The following PIK3CB variants were observed in gnomAD, a reference collection of about 807,000 sequenced individuals.
The protein encoded by PIK3CB is phosphatidylinositol 4,5-bisphosphate 3-kinase catalytic subunit beta isoform.
PIK3CB carries 39 observed loss-of-function variants against 136.8 expected under a neutral mutation model. The ratio of observed to expected loss-of-function variants is 0.29; its 90% CI spans 0.22 to 0.37. PIK3CB has a LOEUF of 0.37. Among genes scored for constraint, PIK3CB ranks in the 10% least tolerant of loss-of-function variants. PIK3CB has a pLI of 1.00. For synonymous variants in PIK3CB, 428 were observed against 436.6 expected, an observed-to-expected ratio of 0.98 and a Z score of 0.25; for missense variants, 868 against 1,275.4, an observed-to-expected ratio of 0.68 and a Z score of 4.87.
At position 138,755,807 on chromosome 3, in the gene PIK3CB, C is replaced by T; in HGVS notation, c.344G>A (p.Ser115Asn). 2.5e-6 allele frequency: 4 copies of T among 1,613,050 alleles called. No homozygotes were observed. The highest frequency in any genetic ancestry group is 3.4e-6 in the Non-Finnish European group (4 of 1,179,274). Residue 115 changes from serine to asparagine, a missense_variant, in exon 4 of 24, where the codon AGT (serine) becomes AAT (asparagine). By Grantham distance (46) the Ser-to-Asn change is conservative (BLOSUM62 1). Transcript: ENST00000674063. ...GTCTAATTTTTCCCCTGGGTCACAA[C>T]TTCTTGTCACTAATTTGAGAACTGG... ...FLPVLKLVTR[S>N]CDPGEKLDSK...
intron 14 of PIK3CB, among the ~76,000 whole-genome samples, chr3:138,691,525 C>A (rs999702883): frequency 8.5e-5 from 13 of 152,168 alleles, no homozygotes; most frequent in Non-Finnish European, 1.5e-4. Context: ...AGTCTCATGA[C>A]AGTGAGTGAG....
At chr3:138,691,597 C>T (rs2044009315) in intron 14 of PIK3CB, among the ~76,000 whole-genome samples, 1 of 152,148 alleles carries the variant, frequency 6.6e-6, no homozygotes, top group South Asian at 2.1e-4. Context: ...CTTTTCCTGC[C>T]ACCTTGTGAA....
At chr3:138,800,751 A>C (rs867392053) in intron 1 of PIK3CB, among the ~76,000 whole-genome samples, 41 of 151,988 alleles carry the variant, frequency 2.7e-4, no homozygotes, top group Middle Eastern at 3.2e-3. Context: ...CAGTCTCCTG[A>C]GTACCTGGGA....
intron 2 of PIK3CB, among the ~76,000 whole-genome samples, chr3:138,784,637 G>C (rs1033895756): frequency 2.6e-5 from 4 of 152,186 alleles, no homozygotes; most frequent in Non-Finnish European, 5.9e-5. Context: ...CGCCCTGTTG[G>C]CTGGGCTGGT....
rs989209312 is a variant in PIK3CB, at chr3:138,801,303, A to G, written c.-121-4736T>C. Among the ~76,000 whole-genome samples, 40 of 152,298 alleles carry G rather than the reference A, an allele frequency of 2.6e-4. 1 individual carries two copies. The highest frequency in any genetic ancestry group is 2.5e-3 in the Admixed American group (38 of 15,278). ...AGTTGTACCATAGCAATTTGTATCA[A>G]ATATCAGAGCCTCCCCATTTTATGT... On this transcript the variant is annotated intron_variant, in intron 1 of 23. Transcript: ENST00000674063.
chr3:138,709,203 C>G (rs1358385061), intron 10 of PIK3CB, among the ~76,000 whole-genome samples: 2 of 151,954 alleles, frequency 1.3e-5, no homozygotes, highest in Non-Finnish European at 2.9e-5. Flanking sequence ...ATAAACCCAC[C>G]TCTAAGGAAT....
intron 4 of PIK3CB, among the ~76,000 whole-genome samples, chr3:138,744,494 A>C (rs960866782): frequency 7.1e-6 from 1 of 141,476 alleles, no homozygotes; most frequent in Non-Finnish European, 1.5e-5. Context: ...GGAGGGGGAG[A>C]GGTTAGTCTT....
intron 2 of PIK3CB, among the ~76,000 whole-genome samples, chr3:138,789,718 G>A (rs1007019805): frequency 1.2e-4 from 18 of 149,692 alleles, no homozygotes; most frequent in Non-Finnish European, 1.6e-4. Flanking sequence ...TTTTGGAGAC[G>A]GAGTCTCTCT....
Position 138,755,858 on chromosome 3 carries a change from C to T in PIK3CB, c.293G>A (p.Arg98Lys). Reference sequence around the variant, plus strand: ...AAGAAAAGGTCTGACATCACAGAGTCTTCGTGTTTCATCTTCAAGCTCCTC... The same window carrying T: ...AAGAAAAGGTCTGACATCACAGAGTTTTCGTGTTTCATCTTCAAGCTCCTC... ...VYEELEDETR[R>K]LCDVRPFLPV... is the part of the protein sequence containing the mutation. The change falls in exon 4 of 24, where the codon AGA (arginine) becomes AAA (lysine). Residue 98 changes from arginine to lysine, a missense_variant. Coordinates refer to ENST00000674063, the MANE Select transcript of PIK3CB (RefSeq NM_006219.3). 1 of 1,612,552 alleles carries T rather than the reference C, an allele frequency of 6.2e-7. No individual in the cohort carries two copies. Among genetic ancestry groups the T allele is most frequent in the Middle Eastern group, 1.7e-4 (1 of 6,054 alleles).
At chr3:138,707,111 ATCAT>A (rs2044394808) in intron 11 of PIK3CB, 44 bp downstream of exon 11, 2 of 1,105,724 alleles carry the variant, frequency 1.8e-6, no homozygotes, top group South Asian at 1.2e-5. Flanking sequence ...AGAGGAACTG[ATCAT>A]TCAATCATTT....
intron 10 of PIK3CB, among the ~76,000 whole-genome samples, chr3:138,708,680 C>A (rs769078706): frequency 6.6e-6 from 1 of 151,214 alleles, no homozygotes. Context: ...TAGCCCCAAA[C>A]GATCCTCCTG....
chr3:138,761,712 G>C (rs2045665130), intron 2 of PIK3CB, among the ~76,000 whole-genome samples: 1 of 152,202 alleles, frequency 6.6e-6, no homozygotes, highest in Non-Finnish European at 1.5e-5. Flanking sequence ...AGAGGTTGCA[G>C]TGAGCCTAGA....
At chr3:138,791,406 A>G (rs1168968462) in intron 2 of PIK3CB, among the ~76,000 whole-genome samples, 1 of 152,066 alleles carries the variant, frequency 6.6e-6, no homozygotes, top group African/African-American at 2.4e-5. Context: ...AACTGTTGGG[A>G]TTACAGGCGT....
rs959258034 is a variant in PIK3CB, at chr3:138,677,377, A to G, written c.2504+4590T>C. 5.9e-5 allele frequency among the ~76,000 whole-genome samples: 9 copies of G among 152,328 alleles called. No individual in the cohort carries two copies. The East Asian group carries it at 1.7e-3, about 29-fold the overall frequency. The stretch of plus-strand genomic sequence containing the variant: ...CCAGCCTTACTCAAGATTGAGGGTA[A>G]TATAAATTCATTTTCAGACAAAACC... On this transcript the variant is annotated intron_variant, in intron 19 of 23. Coordinates refer to ENST00000674063, the MANE Select transcript of PIK3CB (RefSeq NM_006219.3).
At chr3:138,789,857 ATT>A (rs2046028681) in intron 2 of PIK3CB, among the ~76,000 whole-genome samples, 1 of 151,884 alleles carries the variant, frequency 6.6e-6, no homozygotes, top group African/African-American at 2.4e-5. Flanking sequence ...CACCCAGCTA[ATT>A]TTCATATTTT....
At chr3:138,744,549 G>A (rs1331063519) in intron 4 of PIK3CB, among the ~76,000 whole-genome samples, 2 of 151,890 alleles carry the variant, frequency 1.3e-5, no homozygotes, top group Admixed American at 6.6e-5. Context: ...GGAGGTACAA[G>A]GGGAGGCAGC....
At chr3:138,659,283 A>C (rs1021584976) in intron 21 of PIK3CB, among the ~76,000 whole-genome samples, 3 of 152,212 alleles carry the variant, frequency 2.0e-5, no homozygotes, top group Admixed American at 2.0e-4. Flanking sequence ...TTATTCTGGC[A>C]GCCTCTGAGA....
At chr3:138,755,490 A>T (rs2045548466) in intron 4 of PIK3CB, among the ~76,000 whole-genome samples, 1 of 152,178 alleles carries the variant, frequency 6.6e-6, no homozygotes. Flanking sequence ...TTTAAAAATT[A>T]AATAAATAAT....
chr3:138,663,836 A>G, intron 21 of PIK3CB, 70 bp downstream of exon 21: 1 of 1,493,106 alleles, frequency 6.7e-7, no homozygotes, highest in Non-Finnish European at 9.1e-7. Flanking sequence ...GCTGAGTTGC[A>G]CAAGAGATTA....
Sources: gnomAD v4.1 joint callset for allele counts (sites outside exome capture counted in the v4.1 genomes callset) on GRCh38, gnomAD v4.1.1 for gene constraint, MANE v1.5 for transcripts, NCBI Gene and HGNC (gene_info 2026-07-23, HGNC 2026-07-21) for gene names.